Variants in PCLO observed in about 807,000 individuals in gnomAD.
The protein encoded by PCLO is protein piccolo.
Under a neutral mutation model 427.5 loss-of-function variants are expected in PCLO, and 82 were observed. The observed-to-expected ratio is 0.19, with a 90% CI of 0.16 to 0.23. The LOEUF (loss-of-function observed/expected upper bound fraction) is 0.23, where lower values mean the gene tolerates loss of function less well. PCLO is among the 10% of genes least tolerant of loss of function. The pLI is 1.00. For missense variants in PCLO, 6,239 were observed against 6,115.9 expected, an observed-to-expected ratio of 1.02 and a Z score of -0.67; for synonymous variants, 2,357 against 2,155.4, an observed-to-expected ratio of 1.09 and a Z score of -2.59.
intron 2 of PCLO, among the ~76,000 whole-genome samples, chr7:83,139,411 T>C (rs868360538): frequency 6.6e-6 from 1 of 152,218 alleles, no homozygotes; most frequent in Admixed American, 6.5e-5. Context: ...CAGTATGCCC[T>C]AACATTATCT....
At chr7:82,872,726 T>C (rs1309222272) in intron 10 of PCLO, among the ~76,000 whole-genome samples, 1 of 152,074 alleles carries the variant, frequency 6.6e-6, no homozygotes, top group African/African-American at 2.4e-5. Flanking sequence ...ACCAAAACTA[T>C]AATGTCCTAA....
intron 6 of PCLO, among the ~76,000 whole-genome samples, chr7:82,945,028 C>A (rs2057888): frequency 2.8e-4 from 43 of 152,052 alleles, no homozygotes; most frequent in African/African-American, 1.0e-3. Flanking sequence ...TTTGCTAAAT[C>A]ATGATGAAAA....
At chr7:83,003,011 C>T (rs1787860611) in intron 3 of PCLO, among the ~76,000 whole-genome samples, 1 of 150,926 alleles carries the variant, frequency 6.6e-6, no homozygotes, top group Non-Finnish European at 1.5e-5. Context: ...TTTTCCTTGC[C>T]ATATACCTTA....
chr7:82,973,152 T>A (rs904830078), intron 3 of PCLO, among the ~76,000 whole-genome samples: 21 of 152,084 alleles, frequency 1.4e-4, no homozygotes, highest in Non-Finnish European at 2.9e-4. Context: ...ACATTAGAAA[T>A]CTATAATCAG....
At chr7:83,024,064 C>T (rs73387658) in intron 3 of PCLO, among the ~76,000 whole-genome samples, 3,650 of 152,270 alleles carry the variant, frequency 0.024, 157 homozygotes, top group African/African-American at 0.083. Context: ...GCTAATGATA[C>T]ATACTCAGAT....
At chr7:83,042,767 C>G (rs1446818038) in intron 3 of PCLO, among the ~76,000 whole-genome samples, 1 of 152,106 alleles carries the variant, frequency 6.6e-6, no homozygotes, top group African/African-American at 2.4e-5. Context: ...GAGGCTGAGG[C>G]AGGAGAATTG....
intron 10 of PCLO, chr7:82,848,799 C>A: frequency 3.8e-6 from 1 of 263,838 alleles, no homozygotes; most frequent in South Asian, 3.7e-5. Context: ...ACACTATAGT[C>A]AAATGGTAAA....
chr7:82,854,395 T>C (rs1792747045), intron 10 of PCLO, among the ~76,000 whole-genome samples: 1 of 152,124 alleles, frequency 6.6e-6, no homozygotes, highest in Non-Finnish European at 1.5e-5. Context: ...AAAATTTTAC[T>C]CCATCATACA....
At chr7:82,845,219 G>C in intron 13 of PCLO, 52 bp downstream of exon 13, 1 of 1,215,186 alleles carries the variant, frequency 8.2e-7, no homozygotes, top group Non-Finnish European at 1.2e-6. Context: ...TCTCTATGCT[G>C]AATAAAGAGC....
At chr7:83,024,410 CG>C (rs1331729981) in intron 3 of PCLO, among the ~76,000 whole-genome samples, 3 of 152,196 alleles carry the variant, frequency 2.0e-5, no homozygotes, top group African/African-American at 7.2e-5. Context: ...GCTTAAAAAA[CG>C]GCGCAGCACA....
At chr7:83,124,363 A>T (rs1468466027) in intron 3 of PCLO, among the ~76,000 whole-genome samples, 1 of 151,532 alleles carries the variant, frequency 6.6e-6, no homozygotes, top group East Asian at 1.9e-4. Context: ...CAAAAAAAAA[A>T]AAAAAAAAGA....
chr7:83,084,784 C>T (rs550665294), intron 3 of PCLO, among the ~76,000 whole-genome samples: 61 of 152,178 alleles, frequency 4.0e-4, no homozygotes, highest in African/African-American at 1.4e-3. Flanking sequence ...TGCACGTATT[C>T]GAACGCTTTC....
chr7:82,774,997 T>C (rs114036361), intron 22 of PCLO, among the ~76,000 whole-genome samples: 2,472 of 152,274 alleles, frequency 0.016, 82 homozygotes, highest in African/African-American at 0.057. Flanking sequence ...GAAGTAGATA[T>C]AGATTTTTTA....
At chr7:82,806,902 T>C (rs1791470215) in intron 20 of PCLO, among the ~76,000 whole-genome samples, 1 of 151,650 alleles carries the variant, frequency 6.6e-6, no homozygotes. Context: ...TCAACAGCTG[T>C]TTCTTACTGT....
At chr7:83,054,762 T>C (rs1357626634) in intron 3 of PCLO, among the ~76,000 whole-genome samples, 1 of 152,030 alleles carries the variant, frequency 6.6e-6, no homozygotes, top group Non-Finnish European at 1.5e-5. Flanking sequence ...AAGTGTGCAT[T>C]AAGGCAGAAG....
chr7:82,821,798 T>G (rs955364041), intron 20 of PCLO: 19 of 981,806 alleles, frequency 1.9e-5, no homozygotes, highest in Non-Finnish European at 2.3e-5. Context: ...TCAGTGAGGT[T>G]GCATTGCCTT....
At chr7:82,941,574 G>T (rs1183234278) in intron 6 of PCLO, among the ~76,000 whole-genome samples, 2 of 152,102 alleles carry the variant, frequency 1.3e-5, no homozygotes, top group Non-Finnish European at 1.5e-5. Context: ...AAAACAAGTG[G>T]TTTGGATCAC....
intron 22 of PCLO, among the ~76,000 whole-genome samples, chr7:82,791,486 T>C (rs1791100245): frequency 6.6e-6 from 1 of 152,166 alleles, no homozygotes; most frequent in African/African-American, 2.4e-5. Context: ...ATGACTTGAG[T>C]AGATAGCAAG....
Position 82,916,291 on chromosome 7 carries a change from C to T in PCLO, c.11695G>A (p.Ala3899Thr). Residue 3899 changes from alanine to threonine, a missense_variant, in exon 7 of 25, where the codon GCA becomes ACA. This residue lies in a region of PCLO where 680 missense variants were observed against 677.3 expected (regional missense o/e 1.00). Transcript: ENST00000333891. ...GACTGTTGAGTGTATGAGGTGGGTG[C>T]TTGGGTAGGAAGAGCAGGGGAAGAG... is the stretch of plus-strand genomic sequence containing the variant. ...QYSSPALPTQAPTSYTQQSHF... is the reference protein window; with the variant it reads ...QYSSPALPTQTPTSYTQQSHF... 1.9e-6 allele frequency: 3 copies of T among 1,613,506 alleles called. No individual in the cohort carries two copies. The highest frequency in any genetic ancestry group is 2.5e-6 in the Non-Finnish European group (3 of 1,179,678).
Sources: gnomAD v4.1 joint callset for allele counts (sites outside exome capture counted in the v4.1 genomes callset) on GRCh38, gnomAD v4.1.1 for gene constraint, gnomAD v4.1.1 regional missense constraint, MANE v1.5 for transcripts, NCBI Gene and HGNC (gene_info 2026-07-23, HGNC 2026-07-21) for gene names.